RBPMS: variants seen among roughly 807,000 people sequenced by gnomAD.
The protein encoded by RBPMS is RNA-binding protein with multiple splicing.
RBPMS carries 7 observed loss-of-function variants against 26.8 expected under a neutral mutation model. The ratio of observed to expected loss-of-function variants is 0.26; its 90% CI spans 0.15 to 0.49. The LOEUF (loss-of-function observed/expected upper bound fraction) is 0.49. Ranked by LOEUF, RBPMS falls within the 20% of genes least tolerant of loss-of-function variation. The pLI is 0.98. For missense variants in RBPMS, 186 were observed against 250.0 expected (o/e 0.74, Z 1.73); for synonymous variants, 96 against 93.3 (o/e 1.03, Z -0.17).
chr8:30,428,632 A>C (rs545668867), intron 1 of RBPMS, among the ~76,000 whole-genome samples: 20 of 152,322 alleles, frequency 1.3e-4, no homozygotes, highest in African/African-American at 4.8e-4. Context: ...CATAGATAAA[A>C]TAAAGAAATC....
chr8:30,392,437 G>T (rs1807893218), intron 1 of RBPMS, among the ~76,000 whole-genome samples: 1 of 152,110 alleles, frequency 6.6e-6, no homozygotes, highest in South Asian at 2.1e-4. Context: ...CTGGGGAGGG[G>T]GCACTGGCCC....
chr8:30,497,520 C>T (rs1318180847), intron 4 of RBPMS, among the ~76,000 whole-genome samples: 4 of 152,102 alleles, frequency 2.6e-5, no homozygotes, highest in Admixed American at 6.5e-5. Flanking sequence ...CACTCCAGCC[C>T]GGGTGACAGA....
intron 1 of RBPMS, among the ~76,000 whole-genome samples, chr8:30,470,383 A>T (rs1275185299): frequency 7.0e-6 from 1 of 142,668 alleles, no homozygotes; most frequent in Non-Finnish European, 1.5e-5. Flanking sequence ...GATTCCATCT[A>T]AAAAAAAAAA....
chr8:30,429,850 G>A (rs540678329), intron 1 of RBPMS, among the ~76,000 whole-genome samples: 1 of 152,224 alleles, frequency 6.6e-6, no homozygotes, highest in South Asian at 2.1e-4. Context: ...GTGAAAGAGG[G>A]AGAATGTTTT....
Position 30,544,709 on chromosome 8 carries a change from A to G in RBPMS, c.528+85A>G. The stretch of plus-strand genomic sequence containing the variant: ...GTTCCCGAGAGCACACCATACAACT[A>G]ACACCTATCCAGCTAACAGATCCAC... On this transcript the variant is annotated intron_variant, in intron 6 of 8. Coordinates refer to ENST00000397323, the MANE Select transcript of RBPMS (RefSeq NM_001008710.3). The G allele has an allele frequency of 2.5e-6, 4 of 1,604,346 alleles. No homozygotes were observed. The South Asian group carries it at 4.4e-5, about 18-fold the overall frequency.
intron 1 of RBPMS, among the ~76,000 whole-genome samples, chr8:30,426,741 G>A (rs1720141937): frequency 6.6e-6 from 1 of 151,166 alleles, no homozygotes; most frequent in East Asian, 1.9e-4. Flanking sequence ...AGGTTGCTCG[G>A]AGGTCTGACT....
At chr8:30,556,456 C>T (rs553447804) in intron 6 of RBPMS, 8 of 985,890 alleles carry the variant, frequency 8.1e-6, no homozygotes, top group East Asian at 1.1e-4. Flanking sequence ...TCACCTGCAC[C>T]GAAAGCAGAA....
intron 5 of RBPMS, among the ~76,000 whole-genome samples, chr8:30,523,332 G>T (rs963752133): frequency 6.7e-6 from 1 of 150,090 alleles, no homozygotes; most frequent in Non-Finnish European, 1.5e-5. Context: ...AGCTGAGATC[G>T]TACCACTGCA....
chr8:30,440,248 C>T (rs566004310), intron 1 of RBPMS, among the ~76,000 whole-genome samples: 1 of 152,252 alleles, frequency 6.6e-6, no homozygotes, highest in Non-Finnish European at 1.5e-5. Context: ...TTTAAGTGTA[C>T]AGTTCAGTAG....
intron 1 of RBPMS, among the ~76,000 whole-genome samples, chr8:30,474,162 C>T (rs369900309): frequency 4.1e-4 from 62 of 152,208 alleles, no homozygotes; most frequent in African/African-American, 1.3e-3. Context: ...GTTTTGGAAC[C>T]GAACAGATGA....
chr8:30,384,986 C>G lies in RBPMS; in HGVS notation c.-107C>G, dbSNP rs1806836725. On this transcript the variant is annotated 5_prime_UTR_variant, in exon 1 of 9. Coordinates refer to ENST00000397323, the MANE Select transcript of RBPMS (RefSeq NM_001008710.3). The surrounding 1 kb of genome is among the most constrained non-coding windows in gnomAD (Gnocchi z 5.6). ...GCTCCAGCCCCACAGCCCGCGGCGC[C>G]CGCCCGAGGGAGCCCCGGCGCCCGG... The G allele has an allele frequency of 1.3e-6, 1 of 789,620 alleles. No homozygotes were observed. 48.9% of individuals were successfully genotyped at this position (789,620 alleles called of 1,614,324 possible). A position where few individuals can be genotyped will look rare whatever the true frequency, so the allele number is the denominator to read the frequency against.
At chr8:30,507,384 AG>A (rs1420797219) in intron 5 of RBPMS, among the ~76,000 whole-genome samples, 2 of 152,240 alleles carry the variant, frequency 1.3e-5, no homozygotes, top group African/African-American at 4.8e-5. Flanking sequence ...GTGTATGTAA[AG>A]TACTAGGCAA....
chr8:30,514,495 T>C (rs1035562305), intron 5 of RBPMS, among the ~76,000 whole-genome samples: 1 of 152,060 alleles, frequency 6.6e-6, no homozygotes, highest in African/African-American at 2.4e-5. Context: ...TTTTGAAAAC[T>C]TGACCACCAT....
intron 4 of RBPMS, among the ~76,000 whole-genome samples, chr8:30,496,666 TA>T (rs1374088020): frequency 6.6e-6 from 1 of 152,226 alleles, no homozygotes; most frequent in Non-Finnish European, 1.5e-5. Flanking sequence ...CTGTGATCTT[TA>T]CTCATAGTTT....
rs535258617 is a variant in RBPMS, at chr8:30,538,838, T to C, written c.398-5656T>C. ...CCTAAATCAATCTGCAAAGACCCTG[T>C]TTCCAAAAACAGTTATGTACTGGGG... is the stretch of plus-strand genomic sequence containing the variant. On this transcript the variant is annotated intron_variant, in intron 5 of 8. Transcript: ENST00000397323. Among the ~76,000 whole-genome samples the C allele has an allele frequency of 4.6e-5, 7 of 152,292 alleles. No homozygotes were observed. The South Asian group carries it at 1.5e-3, about 32-fold the overall frequency.
chr8:30,560,419 G>T (rs185485574), intron 7 of RBPMS, among the ~76,000 whole-genome samples: 87 of 152,308 alleles, frequency 5.7e-4, no homozygotes, highest in African/African-American at 2.0e-3. Flanking sequence ...TCTCAGAGCA[G>T]CCAGTCATAG....
At chr8:30,561,937 C>A (rs887772072) in intron 7 of RBPMS, 4 of 985,372 alleles carry the variant, frequency 4.1e-6, no homozygotes, top group African/African-American at 1.7e-5. Context: ...CAAATCATTT[C>A]TCACAGACCC....
At chr8:30,440,678 A>G (rs1009636353) in intron 1 of RBPMS, among the ~76,000 whole-genome samples, 4 of 152,090 alleles carry the variant, frequency 2.6e-5, no homozygotes, top group Non-Finnish European at 4.4e-5. Flanking sequence ...TGGGTCTACT[A>G]CTACTGGGTA....
intron 6 of RBPMS, chr8:30,552,384 G>A (rs1239430841): frequency 1.3e-5 from 2 of 152,136 alleles, no homozygotes; most frequent in Non-Finnish European, 2.9e-5. Flanking sequence ...TGACAGTAGG[G>A]GTAAAGGAAA....
Sources: allele counts gnomAD v4.1 joint callset (sites outside exome capture counted in the v4.1 genomes callset), GRCh38; gene constraint gnomAD v4.1.1; non-coding constraint Gnocchi (gnomAD v3.1); transcripts MANE v1.5; gene names NCBI Gene and HGNC (gene_info 2026-07-23, HGNC 2026-07-21).